The following ADCK2 variants were observed in gnomAD, a reference collection of about 807,000 sequenced individuals.
The protein encoded by ADCK2 is uncharacterized aarF domain-containing protein kinase 2.
A neutral mutation model predicts 52.3 loss-of-function variants in ADCK2; 37 were observed. That is an observed-to-expected ratio of 0.71 (90% CI 0.54 to 0.93). The LOEUF (loss-of-function observed/expected upper bound fraction) is 0.93, where lower values mean the gene tolerates loss of function less well. Among genes scored for constraint, ADCK2 ranks in the 40% least tolerant of loss-of-function variants. The pLI is 0.00. For synonymous variants in ADCK2, 321 were observed against 349.2 expected, an observed-to-expected ratio of 0.92 and a Z score of 0.90; for missense variants, 695 against 798.7, an observed-to-expected ratio of 0.87 and a Z score of 1.56.
intron 4 of ADCK2, among the ~76,000 whole-genome samples, chr7:140,681,500 T>A (rs1794515642): frequency 1.3e-5 from 2 of 151,792 alleles, no homozygotes; most frequent in African/African-American, 4.8e-5. Flanking sequence ...TGTATTTTTT[T>A]AAGTAGAGAT....
chr7:140,674,876 G>C lies in ADCK2; in HGVS notation c.1080+119G>C. ...ATGTCATAACTCATGTGATGTGTTA[G>C]AGCTGGTAACACTAGCTGATAAAGA... On this transcript the variant is annotated intron_variant, in intron 2 of 7. Coordinates refer to ENST00000072869, the MANE Select transcript of ADCK2 (RefSeq NM_052853.4). The surrounding 1 kb of genome is among the most constrained non-coding windows in gnomAD (Gnocchi z 4.6). 8.1e-7 allele frequency: 1 copy of C among 1,228,790 alleles called. No homozygotes were observed. The highest frequency in any genetic ancestry group is 1.5e-5 in the African/African-American group (1 of 65,830). 76.1% of individuals were successfully genotyped at this position (1,228,790 alleles called of 1,614,324 possible).
At chr7:140,677,421 AG>A (rs1794438811) in intron 2 of ADCK2, among the ~76,000 whole-genome samples, 1 of 151,868 alleles carries the variant, frequency 6.6e-6, no homozygotes, top group Admixed American at 6.6e-5. Flanking sequence ...AAAAAAAAAA[AG>A]AAAGACAGTC....
At chr7:140,683,973 G>A (rs1339847466) in intron 4 of ADCK2, among the ~76,000 whole-genome samples, 3 of 152,180 alleles carry the variant, frequency 2.0e-5, no homozygotes, top group Admixed American at 6.5e-5. Context: ...CTGGGAGTAG[G>A]ATGCAGAGGG....
chr7:140,680,454 ATTT>A (rs764772839), intron 3 of ADCK2, among the ~76,000 whole-genome samples: 1 of 143,148 alleles, frequency 7.0e-6, no homozygotes. Flanking sequence ...CACCTGGGTA[ATTT>A]TTTTTTTTTT....
chr7:140,682,318 T>C lies in ADCK2; in HGVS notation c.1305+1181T>C, dbSNP rs116023183. On this transcript the variant is annotated intron_variant, in intron 4 of 7. Transcript: ENST00000072869. ...TGCAGTGTGAAGGTCTAGGTGTCAC[T>C]ACATAAGGACAGGTGGCAGGGAGTT... 8.8e-3 allele frequency among the ~76,000 whole-genome samples: 1,334 copies of C among 152,300 alleles called. 23 individuals are homozygous for C. Among genetic ancestry groups the C allele is most frequent in the African/African-American group, 0.03 (1,253 of 41,570 alleles).
rs904048827 is a variant in ADCK2, at chr7:140,692,421, A to C, written c.1740+1608A>C. On this transcript the variant is annotated intron_variant, in intron 7 of 7. Transcript: ENST00000072869. The stretch of plus-strand genomic sequence containing the variant: ...CACCGAGGCTGGAGTGCAGTGGTGC[A>C]AGCTTGGCTCATTGCAACCTCTGCT... Among the ~76,000 whole-genome samples, 8 of 152,222 alleles carry C rather than the reference A, an allele frequency of 5.3e-5. No homozygotes were observed. The East Asian group carries it at 1.5e-3, about 29-fold the overall frequency.
At position 140,673,951 on chromosome 7, in the gene ADCK2, C is replaced by T; in HGVS notation, c.621C>T (p.Gly207=). The T allele has an allele frequency of 6.2e-7, 1 of 1,614,018 alleles. No homozygotes were observed. The change falls in exon 1 of 8, where the codon GGC becomes GGT. Residue 207 remains glycine (G), a synonymous_variant. Transcript: ENST00000072869. The surrounding 1 kb of genome is among the most constrained non-coding windows in gnomAD (Gnocchi z 6.4). ...ILSFENREPV[G]SGCVAQVYKA... ...CTTTTGAGAACCGGGAACCTGTGGG[C>T]TCAGGCTGCGTGGCCCAGGTGTACA...
At chr7:140,684,762 A>G (rs1466875748) in intron 4 of ADCK2, among the ~76,000 whole-genome samples, 1 of 152,160 alleles carries the variant, frequency 6.6e-6, no homozygotes, top group African/African-American at 2.4e-5. Context: ...ACACCACTCC[A>G]ACCCTAATTC....
In ADCK2 at chr7:140,686,973, T is replaced by C; in HGVS notation, c.1306-17T>C. 2 of 1,609,524 alleles carry C rather than the reference T, an allele frequency of 1.2e-6. No homozygotes were observed. Among genetic ancestry groups the C allele is most frequent in the Non-Finnish European group, 1.7e-6 (2 of 1,176,036 alleles). ...TCTAGGGGCGACTCACTCATGAGCA[T>C]TGTGATCTCCTTCCAGATATTTGTG... On this transcript the variant is annotated splice_polypyrimidine_tract_variant and intron_variant, in intron 4 of 7. Transcript: ENST00000072869.
intron 2 of ADCK2, among the ~76,000 whole-genome samples, chr7:140,677,427 A>G (rs1040683275): frequency 1.3e-5 from 2 of 151,794 alleles, no homozygotes; most frequent in African/African-American, 2.4e-5. Flanking sequence ...AAAAAGAAAG[A>G]CAGTCAGCCC....
At position 140,674,373 on chromosome 7, in the gene ADCK2, C is replaced by G; in HGVS notation, c.933+110C>G. The stretch of plus-strand genomic sequence containing the variant: ...TTATTTCTATTTGCCTGACCAATAT[C>G]TGAGTGCTTATTTCATGCAAGCTGT... On this transcript the variant is annotated intron_variant, in intron 1 of 7. Coordinates refer to ENST00000072869, the MANE Select transcript of ADCK2 (RefSeq NM_052853.4). The surrounding 1 kb of genome is among the most constrained non-coding windows in gnomAD (Gnocchi z 4.6). 1 of 1,247,186 alleles carries G rather than the reference C, an allele frequency of 8.0e-7. No homozygotes were observed. The highest frequency in any genetic ancestry group is 1.5e-5 in the South Asian group (1 of 65,658). The allele number at this position is 1,247,186 out of a possible 1,614,324, so 77.3% of individuals were successfully genotyped here. A position where few individuals can be genotyped will look rare whatever the true frequency, so the allele number is the denominator to read the frequency against.
chr7:140,685,451 GAAAAAA>G lies in ADCK2; in HGVS notation c.1306-1529_1306-1524del, dbSNP rs5887982. On this transcript the variant is annotated intron_variant, in intron 4 of 7. Coordinates refer to ENST00000072869, the MANE Select transcript of ADCK2 (RefSeq NM_052853.4). ...GGCAACAGAGTGAGACTCAGTCTCA[GAAAAAA>G]AAAAAAAAATGTATACCAGGGCCAA... is the stretch of plus-strand genomic sequence containing the variant. Among the ~76,000 whole-genome samples the G allele has an allele frequency of 6.7e-5, 9 of 134,566 alleles. No homozygotes were observed. In the Admixed American group the frequency reaches 6.9e-4, roughly 10 times the overall value. The allele number at this position is 134,566 out of a possible 152,430, so 88.3% of individuals were successfully genotyped here. A position where few individuals can be genotyped will look rare whatever the true frequency, so the allele number is the denominator to read the frequency against.
In ADCK2 at chr7:140,693,389, C is replaced by T. The variant is rs1479779688; in HGVS notation, c.1741-1274C>T. ...CCACCTGACCCCGACAACCTTCCAGCCCTTAACGGAGACAAATACTCTTTA... is the reference window on the plus strand; with the variant it reads ...CCACCTGACCCCGACAACCTTCCAGTCCTTAACGGAGACAAATACTCTTTA... On this transcript the variant is annotated intron_variant, in intron 7 of 7. Coordinates refer to ENST00000072869, the MANE Select transcript of ADCK2 (RefSeq NM_052853.4). The surrounding 1 kb of genome is among the most constrained non-coding windows in gnomAD (Gnocchi z 4.0). Among the ~76,000 whole-genome samples, 1 of 152,206 alleles carries T rather than the reference C, an allele frequency of 6.6e-6. No individual in the cohort carries two copies. The highest frequency in any genetic ancestry group is 1.5e-5 in the Non-Finnish European group (1 of 68,042).
chr7:140,694,713 G>A lies in ADCK2; in HGVS notation c.1791G>A (p.Leu597=), dbSNP rs1472972633. The change falls in exon 8 of 8, where the codon TTG becomes TTA. Residue 597 remains leucine (L), a synonymous_variant. Transcript: ENST00000072869. ...CCATTGTGTTTGCCATCATGGTGTT[G>A]GAGGGGCTTGGCCGCTCACTGGACC... ...FASIVFAIMV[L]EGLGRSLDPK... is the part of the protein sequence containing the mutation. The A allele has an allele frequency of 1.9e-5, 31 of 1,614,038 alleles. No homozygotes were observed. The highest frequency in any genetic ancestry group is 2.6e-5 in the Non-Finnish European group (31 of 1,180,030).
At position 140,687,199 on chromosome 7, in the gene ADCK2, G is replaced by C. The variant is rs1332384597; in HGVS notation, c.1515G>C (p.Leu505=). The C allele has an allele frequency of 6.3e-7, 1 of 1,585,938 alleles. No homozygotes were observed. Among genetic ancestry groups the C allele is most frequent in the Non-Finnish European group, 8.6e-7 (1 of 1,164,692 alleles). ...TGGCGGAGCTGCAGGCCCCTGACCT[G>C]AGGAATTTCCGGGCAGTTTTCATGG... The part of the protein sequence containing the change: ...GIVAELQAPD[L]RNFRAVFMAV... The change falls in exon 5 of 8, where the codon CTG becomes CTC. Residue 505 remains leucine (L), a synonymous_variant. Transcript: ENST00000072869.
chr7:140,674,187 C>G lies in ADCK2; in HGVS notation c.857C>G (p.Ser286Ter). Residue 286 changes from serine (S) to a stop codon, truncating the protein, a stop_gained, in exon 1 of 8, where the codon TCA becomes TGA. Coordinates refer to ENST00000072869, the MANE Select transcript of ADCK2 (RefSeq NM_052853.4). LOFTEE classifies it high-confidence loss of function. This position sits in a 1 kb window ranked among gnomAD's most constrained non-coding sequence, Gnocchi z 4.6. ...LLLPKADLVG[S>*]NAGVSRAQVP... ...CTCCCTAAAGCTGACCTGGTTGGAT[C>G]AAATGCAGGGGTGTCTCGGGCTCAG... 1 of 1,614,050 alleles carries G rather than the reference C, an allele frequency of 6.2e-7. No individual in the cohort carries two copies. Among genetic ancestry groups the G allele is most frequent in the Non-Finnish European group, 8.5e-7 (1 of 1,180,022 alleles).
rs2130778276 is a variant in ADCK2, at chr7:140,674,377, G to A, written c.933+114G>A. ...TTCTATTTGCCTGACCAATATCTGAGTGCTTATTTCATGCAAGCTGTTTCA... is the reference window on the plus strand; with the variant it reads ...TTCTATTTGCCTGACCAATATCTGAATGCTTATTTCATGCAAGCTGTTTCA... On this transcript the variant is annotated intron_variant, in intron 1 of 7. Coordinates refer to ENST00000072869, the MANE Select transcript of ADCK2 (RefSeq NM_052853.4). This position sits in a 1 kb window ranked among gnomAD's most constrained non-coding sequence, Gnocchi z 4.6. 8.1e-7 allele frequency: 1 copy of A among 1,235,798 alleles called. No homozygotes were observed. The highest frequency in any genetic ancestry group is 1.1e-6 in the Non-Finnish European group (1 of 904,982). The allele number at this position is 1,235,798 out of a possible 1,614,324, so 76.6% of individuals were successfully genotyped here.
rs1470501650 is a variant in ADCK2, at chr7:140,687,008, G to C, written c.1324G>C (p.Val442Leu). The C allele has an allele frequency of 1.1e-5, 18 of 1,613,654 alleles. No individual in the cohort carries two copies. Among genetic ancestry groups the C allele is most frequent in the Non-Finnish European group, 1.5e-5 (18 of 1,179,630 alleles). The change falls in exon 5 of 8, where the codon GTC becomes CTC. Residue 442 changes from valine (V) to leucine (L), a missense_variant. By Grantham distance (32) the Val-to-Leu change is conservative. Transcript: ENST00000072869. ...CTTCCAGATATTTGTGGATAACTTT[G>C]TCCATGCAGACCTTCACCCTGGAAA... is the stretch of plus-strand genomic sequence containing the variant. ...LLKMIFVDNFVHADLHPGNIL... is the reference protein window; with the variant it reads ...LLKMIFVDNFLHADLHPGNIL...
intron 7 of ADCK2, among the ~76,000 whole-genome samples, chr7:140,692,556 G>A (rs1429034547): frequency 3.3e-5 from 5 of 152,088 alleles, no homozygotes; most frequent in East Asian, 1.9e-4. Context: ...ATAGGGTTTC[G>A]TCATGTTGGC....
Sources: allele counts gnomAD v4.1 joint callset (sites outside exome capture counted in the v4.1 genomes callset), GRCh38; gene constraint gnomAD v4.1.1; non-coding constraint Gnocchi (gnomAD v3.1); transcripts MANE v1.5; gene names NCBI Gene and HGNC (gene_info 2026-07-23, HGNC 2026-07-21).